PPARGC1B: variants seen among roughly 807,000 people sequenced by gnomAD.
PPARGC1B encodes PPARG coactivator 1 beta.
In PPARGC1B, 34 loss-of-function variants were observed where a neutral mutation model predicts 101.6. The observed-to-expected ratio is 0.33, with a 90% CI of 0.25 to 0.45. The LOEUF (loss-of-function observed/expected upper bound fraction) is 0.45. Ranked by LOEUF, PPARGC1B falls within the 20% of genes least tolerant of loss-of-function variation. The pLI, the probability that PPARGC1B is intolerant of heterozygous loss-of-function variation, is 1.00. For missense variants in PPARGC1B, 1,234 were observed against 1,317.6 expected (o/e 0.94, Z 0.98); for synonymous variants, 548 against 539.3 (o/e 1.02, Z -0.22).
At chr5:149,820,647 CCTCT>C (rs1758256054) in intron 2 of PPARGC1B, 41 bp downstream of exon 2, 4 of 1,566,080 alleles carry the variant, frequency 2.6e-6, no homozygotes, top group African/African-American at 1.3e-5. Flanking sequence ...CCCTGCCAGG[CCTCT>C]CTCTCCTCAA....
chr5:149,791,430 C>T (rs1757015301), intron 1 of PPARGC1B, among the ~76,000 whole-genome samples: 1 of 151,940 alleles, frequency 6.6e-6, no homozygotes, highest in African/African-American at 2.4e-5. Flanking sequence ...GATGAATGAG[C>T]ACCCAGAGCT....
chr5:149,847,460 T>G lies in PPARGC1B; in HGVS notation c.2974T>G (p.Ser992Ala). The G allele has an allele frequency of 6.2e-7, 1 of 1,613,304 alleles. No homozygotes were observed. The highest frequency in any genetic ancestry group is 1.7e-5 in the Admixed American group (1 of 60,024). The change falls in exon 12 of 12, where the codon TCC (serine) becomes GCC (alanine). Residue 992 changes from serine to alanine, a missense_variant and splice_region_variant. Physicochemically the swap from Ser to Ala is moderately conservative, Grantham distance 99 (BLOSUM62 1). Transcript: ENST00000309241. ...FCWPRYTDYD[S>A]NSEEALPASG... is the part of the protein sequence containing the mutation. Reference sequence around the variant, plus strand: ...TGCCTCTTCACCCCCATGCCCAGATTCCAATTCAGAAGAGGCCCTTCCTGC... The same window carrying G: ...TGCCTCTTCACCCCCATGCCCAGATGCCAATTCAGAAGAGGCCCTTCCTGC...
intron 1 of PPARGC1B, among the ~76,000 whole-genome samples, chr5:149,791,126 T>G (rs1033948959): frequency 6.2e-5 from 9 of 144,474 alleles, no homozygotes; most frequent in African/African-American, 2.3e-4. Flanking sequence ...CTGTCTCTAC[T>G]AAAAATATAA....
At chr5:149,747,307 T>G (rs1263460553) in intron 1 of PPARGC1B, among the ~76,000 whole-genome samples, 1 of 152,250 alleles carries the variant, frequency 6.6e-6, no homozygotes, top group African/African-American at 2.4e-5. Context: ...ACTTCATTCC[T>G]TCGCATAACT....
intron 1 of PPARGC1B, among the ~76,000 whole-genome samples, chr5:149,757,484 T>C (rs1215152913): frequency 1.3e-5 from 2 of 152,148 alleles, no homozygotes; most frequent in Non-Finnish European, 2.9e-5. Context: ...CAGTATTTAT[T>C]TGAAATGAGT....
chr5:149,842,526 G>C, intron 10 of PPARGC1B, 149 bp downstream of exon 10: 12 of 1,085,370 alleles, frequency 1.1e-5, no homozygotes, highest in Non-Finnish European at 1.6e-5. Context: ...CCATGAGAAG[G>C]ACCAGAAATG....
At chr5:149,748,990 C>T (rs1176296988) in intron 1 of PPARGC1B, among the ~76,000 whole-genome samples, 1 of 151,932 alleles carries the variant, frequency 6.6e-6, no homozygotes, top group Non-Finnish European at 1.5e-5. Flanking sequence ...ACCCTGTGGA[C>T]TGCACCGCTC....
chr5:149,805,426 A>G (rs1437043277), intron 1 of PPARGC1B, among the ~76,000 whole-genome samples: 1 of 152,174 alleles, frequency 6.6e-6, no homozygotes, highest in Non-Finnish European at 1.5e-5. Flanking sequence ...AGAAATAGAA[A>G]TATGGCTATT....
chr5:149,787,588 A>G (rs531818401), intron 1 of PPARGC1B, among the ~76,000 whole-genome samples: 20 of 152,340 alleles, frequency 1.3e-4, no homozygotes, highest in Admixed American at 5.2e-4. Context: ...TGGTAGTCAC[A>G]AAAGTAAGGT....
intron 1 of PPARGC1B, among the ~76,000 whole-genome samples, chr5:149,766,392 T>G (rs1755914253): frequency 6.6e-6 from 1 of 152,208 alleles, no homozygotes; most frequent in African/African-American, 2.4e-5. Flanking sequence ...GCAGACAGCT[T>G]GACTAGCACT....
At position 149,847,658 on chromosome 5, in the gene PPARGC1B, G is replaced by A. The variant is rs187151748; in HGVS notation, c.*100G>A. On this transcript the variant is annotated 3_prime_UTR_variant, in exon 12 of 12. Coordinates refer to ENST00000309241, the MANE Select transcript of PPARGC1B (RefSeq NM_133263.4). ...AATCAAGTATATGAGGAGAGCGAGC[G>A]AGCGTGAGAGAACACCCGTGAGAGA... is the stretch of plus-strand genomic sequence containing the variant. 7.6e-5 allele frequency: 64 copies of A among 847,384 alleles called. No homozygotes were observed. Among genetic ancestry groups the A allele is most frequent in the African/African-American group, 6.3e-4 (37 of 59,176 alleles). The allele number at this position is 847,384 out of a possible 1,614,324, so 52.5% of individuals were successfully genotyped here.
rs1285129753 is a variant in PPARGC1B at position 149,854,990 on chromosome 5, A to G, written c.*7432A>G. ...GCTTATAAATAAACTTAACAAATAC[A>G]CTATGGAGATTAAAAACAAAATACC... On this transcript the variant is annotated 3_prime_UTR_variant, in exon 12 of 12. Coordinates refer to ENST00000309241, the MANE Select transcript of PPARGC1B (RefSeq NM_133263.4). 6.6e-6 allele frequency: 1 copy of G among 152,232 alleles called. No individual in the cohort carries two copies. The highest frequency in any genetic ancestry group is 1.5e-5 in the Non-Finnish European group (1 of 68,048). The allele number at this position is 152,232 out of a possible 1,614,324, so 9.4% of individuals were successfully genotyped here.
At chr5:149,817,740 A>G in intron 1 of PPARGC1B, 1 of 456,758 alleles carries the variant, frequency 2.2e-6, no homozygotes, top group South Asian at 1.5e-5. Flanking sequence ...GAGAGGGTGC[A>G]GAAGAATTGA....
chr5:149,844,471 C>T (rs1450014648), intron 10 of PPARGC1B, among the ~76,000 whole-genome samples: 1 of 152,150 alleles, frequency 6.6e-6, no homozygotes, highest in African/African-American at 2.4e-5. Flanking sequence ...AACCCCGTCT[C>T]TACTAAAAAT....
chr5:149,764,775 A>G (rs1012625467), intron 1 of PPARGC1B, among the ~76,000 whole-genome samples: 1 of 152,266 alleles, frequency 6.6e-6, no homozygotes, highest in Non-Finnish European at 1.5e-5. Flanking sequence ...ATTTAAAGAC[A>G]GATATTAAGT....
chr5:149,796,227 G>T (rs547989508), intron 1 of PPARGC1B, among the ~76,000 whole-genome samples: 45 of 152,260 alleles, frequency 3.0e-4, no homozygotes, highest in African/African-American at 9.6e-4. Flanking sequence ...GAGTAGGGGG[G>T]GCCTGTTGGA....
At chr5:149,732,321 G>A (rs1384423753) in intron 1 of PPARGC1B, among the ~76,000 whole-genome samples, 1 of 152,192 alleles carries the variant, frequency 6.6e-6, no homozygotes, top group Non-Finnish European at 1.5e-5. Flanking sequence ...GGGCGTCTCC[G>A]AATCTCTTGG....
intron 1 of PPARGC1B, among the ~76,000 whole-genome samples, chr5:149,816,757 G>T (rs1758069705): frequency 6.6e-6 from 1 of 152,176 alleles, no homozygotes; most frequent in African/African-American, 2.4e-5. Flanking sequence ...TGGGGGCTTT[G>T]CTGGCCTCGG....
chr5:149,774,862 T>G (rs1756292832), intron 1 of PPARGC1B, among the ~76,000 whole-genome samples: 1 of 152,012 alleles, frequency 6.6e-6, no homozygotes, highest in South Asian at 2.1e-4. Context: ...GGCTGCTGCT[T>G]TGGGAGTTGA....
Sources: gnomAD v4.1 joint callset for allele counts (sites outside exome capture counted in the v4.1 genomes callset) on GRCh38, gnomAD v4.1.1 for gene constraint, MANE v1.5 for transcripts, NCBI Gene and HGNC (gene_info 2026-07-23, HGNC 2026-07-21) for gene names.